Variants in ZBTB41 observed in about 807,000 individuals in gnomAD.
The protein encoded by ZBTB41 is zinc finger and BTB domain-containing protein 41.
ZBTB41 carries 42 observed loss-of-function variants against 87.6 expected under a neutral mutation model. The observed-to-expected ratio is 0.48, with a 90% CI of 0.37 to 0.62. The LOEUF (loss-of-function observed/expected upper bound fraction) is 0.62, where lower values mean the gene tolerates loss of function less well. ZBTB41 is among the 20% of genes least tolerant of loss of function. The pLI is 0.00. For synonymous variants in ZBTB41, 364 were observed against 364.0 expected, an observed-to-expected ratio of 1.00 and a Z score of 0.00; for missense variants, 799 against 1,078.9, an observed-to-expected ratio of 0.74 and a Z score of 3.63.
At chr1:197,176,936 A>G (rs1659623731) in intron 7 of ZBTB41, among the ~76,000 whole-genome samples, 1 of 152,098 alleles carries the variant, frequency 6.6e-6, no homozygotes. Context: ...CCATCATATT[A>G]GATCCTAAAT....
At chr1:197,189,226 A>C (rs765420162) in intron 4 of ZBTB41, among the ~76,000 whole-genome samples, 11 of 152,174 alleles carry the variant, frequency 7.2e-5, no homozygotes, top group Non-Finnish European at 8.8e-5. Context: ...GATGCCTTAA[A>C]AAAGATTAAC....
At chr1:197,189,489 G>T (rs1659970781) in intron 4 of ZBTB41, among the ~76,000 whole-genome samples, 1 of 150,252 alleles carries the variant, frequency 6.7e-6, no homozygotes, top group Non-Finnish European at 1.5e-5. Context: ...TCACACCACT[G>T]CACTCCAGCC....
At chr1:197,176,886 AT>A (rs987746672) in intron 7 of ZBTB41, among the ~76,000 whole-genome samples, 3 of 152,102 alleles carry the variant, frequency 2.0e-5, no homozygotes, top group Non-Finnish European at 2.9e-5. Context: ...GCATTTCAAC[AT>A]TTGTATATGC....
chr1:197,175,976 TCA>T (rs1017416259), intron 8 of ZBTB41: 1 of 152,074 alleles, frequency 6.6e-6, no homozygotes, highest in Non-Finnish European at 1.5e-5. Flanking sequence ...ATTATTGTGC[TCA>T]CAGAGTTGGC....
At chr1:197,191,595 G>A in intron 3 of ZBTB41, 97 bp downstream of exon 3, 2 of 932,510 alleles carry the variant, frequency 2.1e-6, no homozygotes, top group Non-Finnish European at 3.0e-6. Context: ...TCCAATGAAA[G>A]AATTGGAGAT....
At chr1:197,166,620 T>C (rs990677360) in intron 10 of ZBTB41, among the ~76,000 whole-genome samples, 1 of 151,388 alleles carries the variant, frequency 6.6e-6, no homozygotes, top group Admixed American at 6.6e-5. Flanking sequence ...CCGAGGTGGG[T>C]AGATCACAAG....
rs543857808 is a variant in ZBTB41 at position 197,199,891 on chromosome 1, T to C, written c.583A>G (p.Thr195Ala). ...AGTCTTCCAGTTAATTCATTTAGTG[T>C]TTCTTCTGGTGATGACTTTTCAGTT... ...ELTEKSSPEE[T>A]LNELTGRLSN... The change falls in exon 2 of 11, where the codon ACA (threonine) becomes GCA (alanine). Residue 195 changes from threonine (T) to alanine (A), a missense_variant. By Grantham distance (58) the Thr-to-Ala change is moderately conservative. Transcript: ENST00000367405. The C allele has an allele frequency of 1.8e-5, 29 of 1,610,352 alleles. No homozygotes were observed. In the East Asian group the frequency reaches 6.0e-4, roughly 33 times the overall value.
At chr1:197,179,886 A>G (rs1659702311) in intron 6 of ZBTB41, among the ~76,000 whole-genome samples, 1 of 152,172 alleles carries the variant, frequency 6.6e-6, no homozygotes, top group South Asian at 2.1e-4. Flanking sequence ...TGAAAAAATC[A>G]AAAGTTTATA....
chr1:197,200,506 A>ATT lies in ZBTB41; in HGVS notation c.-34_-33insAA. The ATT allele has an allele frequency of 1.3e-6, 2 of 1,533,610 alleles. No individual in the cohort carries two copies. Among genetic ancestry groups the ATT allele is most frequent in the Non-Finnish European group, 1.7e-6 (2 of 1,146,698 alleles). ...CAGCAATTTCAGAACAAGAAACTTCATAAGTGTCTTAAGTGATTTATAAAG... is the reference window on the plus strand; with the variant it reads ...CAGCAATTTCAGAACAAGAAACTTCATTTAAGTGTCTTAAGTGATTTATAAAG... On this transcript the variant is annotated 5_prime_UTR_variant, in exon 2 of 11. It adds an upstream start codon to the 5' untranslated region. Transcript: ENST00000367405.
chr1:197,183,022 T>C (rs963749969), intron 5 of ZBTB41, among the ~76,000 whole-genome samples: 1 of 152,142 alleles, frequency 6.6e-6, no homozygotes, highest in African/African-American at 2.4e-5. Flanking sequence ...TCTCTCTATA[T>C]ATATATAATA....
intron 3 of ZBTB41, 121 bp from the exon 4 acceptor site, chr1:197,190,952 A>C: frequency 3.4e-6 from 2 of 593,124 alleles, no homozygotes; most frequent in Non-Finnish European, 5.7e-6. Flanking sequence ...TAATGAGACA[A>C]GTAGGCATAG....
chr1:197,159,907 G>A lies in ZBTB41; in HGVS notation c.2182C>T (p.His728Tyr). Residue 728 changes from histidine to tyrosine, a missense_variant, in exon 11 of 11, where the codon CAC becomes TAC. His to Tyr is a moderately conservative substitution (Grantham distance 83). Transcript: ENST00000367405. ...TTCCGCTTAAATGTTGCATTACAGT[G>A]CTGACAGTTGAAAGGTCGGGCATCA... ...HSDARPFNCQHCNATFKRKDK... is the reference protein window; with the variant it reads ...HSDARPFNCQYCNATFKRKDK... The A allele has an allele frequency of 6.2e-7, 1 of 1,613,864 alleles. No individual in the cohort carries two copies. The highest frequency in any genetic ancestry group is 8.5e-7 in the Non-Finnish European group (1 of 1,179,852).
In ZBTB41 at chr1:197,155,731, A is replaced by G. The variant is rs1389433293; in HGVS notation, c.*3628T>C. 6.6e-6 allele frequency: 1 copy of G among 152,336 alleles called. No individual in the cohort carries two copies. Among genetic ancestry groups the G allele is most frequent in the African/African-American group, 2.4e-5 (1 of 41,400 alleles). The allele number at this position is 152,336 out of a possible 1,614,324, so 9.4% of individuals were successfully genotyped here. ...TTGATAGAAAATTATTAGTGTACCTATTTCATGACCTGCCATCGCCTAAAA... is the reference window on the plus strand; with the variant it reads ...TTGATAGAAAATTATTAGTGTACCTGTTTCATGACCTGCCATCGCCTAAAA... On this transcript the variant is annotated 3_prime_UTR_variant, in exon 11 of 11. Transcript: ENST00000367405.
Position 197,157,511 on chromosome 1 carries a change from G to A in ZBTB41, c.*1848C>T, listed in dbSNP as rs184258718. 6.6e-6 allele frequency: 1 copy of A among 151,976 alleles called. No homozygotes were observed. Among genetic ancestry groups the A allele is most frequent in the Admixed American group, 6.6e-5 (1 of 15,216 alleles). The allele number at this position is 151,976 out of a possible 1,614,324, so 9.4% of individuals were successfully genotyped here. Reference sequence around the variant, plus strand: ...TAAAAGTCAATTTGAAAGACTAACAGACTAACAGTACCTCATATAGTCAAC... The same window carrying A: ...TAAAAGTCAATTTGAAAGACTAACAAACTAACAGTACCTCATATAGTCAAC... On this transcript the variant is annotated 3_prime_UTR_variant, in exon 11 of 11. Transcript: ENST00000367405.
chr1:197,185,200 T>A (rs1376534577), intron 5 of ZBTB41, among the ~76,000 whole-genome samples: 1 of 152,204 alleles, frequency 6.6e-6, no homozygotes, highest in African/African-American at 2.4e-5. Context: ...ATGTTTATTT[T>A]CTGGTATACT....
At chr1:197,194,618 G>GA (rs71131750) in intron 2 of ZBTB41, among the ~76,000 whole-genome samples, 91,636 of 135,766 alleles carry the variant, frequency 0.67, 31,172 homozygotes, top group East Asian at 0.87. Flanking sequence ...ATTTAAGCAA[G>GA]AAAAAAAAAA....
Position 197,200,130 on chromosome 1 carries a change from G to C in ZBTB41, c.344C>G (p.Ala115Gly). ...AGTGCTTGGATTTTTGCTCAAACAC[G>C]CATGAAAATAACTACTGCCGACAGC... ...VVAVGSSYFHACLSKNPSTDV... is the reference protein window; with the variant it reads ...VVAVGSSYFHGCLSKNPSTDV... The change falls in exon 2 of 11, where the codon GCG becomes GGG. Residue 115 changes from alanine to glycine, a missense_variant. Transcript: ENST00000367405. 1 of 1,613,850 alleles carries C rather than the reference G, an allele frequency of 6.2e-7. No individual in the cohort carries two copies. The highest frequency in any genetic ancestry group is 8.5e-7 in the Non-Finnish European group (1 of 1,180,020).
chr1:197,186,384 G>A (rs764015124), intron 5 of ZBTB41, among the ~76,000 whole-genome samples: 9 of 151,834 alleles, frequency 5.9e-5, no homozygotes, highest in Non-Finnish European at 1.2e-4. Context: ...CAATGACTTC[G>A]CACAATCCAT....
At chr1:197,160,469 AAGG>A (rs1659174639) in intron 10 of ZBTB41, among the ~76,000 whole-genome samples, 1 of 152,128 alleles carries the variant, frequency 6.6e-6, no homozygotes, top group Admixed American at 6.6e-5. Context: ...TCCCCCACGC[AAGG>A]AGGATAAAAA....
Sources: allele counts gnomAD v4.1 joint callset (sites outside exome capture counted in the v4.1 genomes callset), GRCh38; gene constraint gnomAD v4.1.1; transcripts MANE v1.5; gene names NCBI Gene and HGNC (gene_info 2026-07-23, HGNC 2026-07-21).